Variants in SLC36A1 observed in about 807,000 individuals in gnomAD.
The protein encoded by SLC36A1 is solute carrier family 36 member 1.
A neutral mutation model predicts 47.5 loss-of-function variants in SLC36A1; 30 were observed. That is an observed-to-expected ratio of 0.63 (90% CI 0.47 to 0.86). The LOEUF (loss-of-function observed/expected upper bound fraction) is 0.86. Among genes scored for constraint, SLC36A1 ranks in the 40% least tolerant of loss-of-function variants. The probability of loss-of-function intolerance (pLI) is 0.00; values close to 1 mark genes in which losing one functional copy is unlikely to be tolerated. For synonymous variants in SLC36A1, 255 were observed against 249.7 expected, an observed-to-expected ratio of 1.02 and a Z score of -0.20; for missense variants, 517 against 606.0, an observed-to-expected ratio of 0.85 and a Z score of 1.54.
the SLC36A1 span, among the ~76,000 whole-genome samples, chr5:151,502,376 G>A: frequency 6.8e-6 from 1 of 148,084 alleles, no homozygotes. Context: ...GGCACAGACT[G>A]AGAAAATATT....
chr5:151,407,643 A>T, the SLC36A1 span, among the ~76,000 whole-genome samples: 1 of 152,198 alleles, frequency 6.6e-6, no homozygotes, highest in East Asian at 1.9e-4. Flanking sequence ...TTCACCTCTC[A>T]TTAGGGCCAC....
intron 5 of SLC36A1, among the ~76,000 whole-genome samples, chr5:151,466,844 G>A (rs936140311): frequency 9.2e-5 from 14 of 152,064 alleles, no homozygotes; most frequent in African/African-American, 2.9e-4. Context: ...AGGGGACGTC[G>A]GAAACCACAC....
chr5:151,349,668 C>T, the SLC36A1 span, among the ~76,000 whole-genome samples: 3 of 152,168 alleles, frequency 2.0e-5, no homozygotes, highest in African/African-American at 7.2e-5. Context: ...AGACAGCCTG[C>T]CCACTAGACA....
At chr5:151,404,688 T>G in the SLC36A1 span, among the ~76,000 whole-genome samples, 1 of 152,244 alleles carries the variant, frequency 6.6e-6, no homozygotes, top group African/African-American at 2.4e-5. Flanking sequence ...TGGTGGAATA[T>G]GAAATTCTTG....
chr5:151,486,514 C>G (rs1759570169), intron 10 of SLC36A1, among the ~76,000 whole-genome samples: 1 of 152,326 alleles, frequency 6.6e-6, no homozygotes, highest in East Asian at 1.9e-4. Context: ...AAAATCTGGT[C>G]TCTAAATGCA....
the SLC36A1 span, chr5:151,512,270 C>T: frequency 3.7e-6 from 6 of 1,614,236 alleles, no homozygotes; most frequent in Admixed American, 1.7e-5. This position sits in a 1 kb window ranked among gnomAD's most constrained non-coding sequence, Gnocchi z 4.1. Flanking sequence ...TCCAGCAAGC[C>T]TGCCACCGTC....
the SLC36A1 span, among the ~76,000 whole-genome samples, chr5:151,383,510 TC>T: frequency 1.5e-5 from 2 of 136,220 alleles, no homozygotes; most frequent in Non-Finnish European, 3.1e-5. Context: ...TGTTATCATG[TC>T]TTAAATTGCC....
chr5:151,385,685 T>A, the SLC36A1 span, among the ~76,000 whole-genome samples: 1 of 151,864 alleles, frequency 6.6e-6, no homozygotes, highest in Non-Finnish European at 1.5e-5. Context: ...AACTAGGGAA[T>A]CTTAGGGCAA....
At chr5:151,385,009 AGTGTGTGTGT>A in the SLC36A1 span, among the ~76,000 whole-genome samples, 2 of 128,466 alleles carry the variant, frequency 1.6e-5, no homozygotes, top group East Asian at 2.1e-4. Flanking sequence ...AGAGAGAGAG[AGTGTGTGTGT>A]GTGTGTGTGT....
intron 7 of SLC36A1, among the ~76,000 whole-genome samples, chr5:151,470,347 G>T (rs1412075703): frequency 6.6e-6 from 1 of 152,182 alleles, no homozygotes; most frequent in Non-Finnish European, 1.5e-5. Context: ...TGATCAGAGG[G>T]CTGGGATAAG....
At chr5:151,426,206 G>T in the SLC36A1 span, among the ~76,000 whole-genome samples, 1 of 152,214 alleles carries the variant, frequency 6.6e-6, no homozygotes, top group South Asian at 2.1e-4. Flanking sequence ...CAGGTGGGAC[G>T]AGAGACTGAG....
At chr5:151,361,660 AC>A in the SLC36A1 span, among the ~76,000 whole-genome samples, 1 of 152,182 alleles carries the variant, frequency 6.6e-6, no homozygotes, top group African/African-American at 2.4e-5. Context: ...CTGGGTACTT[AC>A]TTTTATCAGT....
the SLC36A1 span, among the ~76,000 whole-genome samples, chr5:151,424,601 C>A: frequency 6.6e-6 from 1 of 152,162 alleles, no homozygotes; most frequent in African/African-American, 2.4e-5. Flanking sequence ...ACTTTGCCTA[C>A]AATTTCATGA....
At chr5:151,461,682 C>A (rs73796588) in intron 2 of SLC36A1, among the ~76,000 whole-genome samples, 10 of 152,084 alleles carry the variant, frequency 6.6e-5, no homozygotes, top group African/African-American at 2.4e-4. Flanking sequence ...CACTGTAGAA[C>A]GAATCAAGGC....
the SLC36A1 span, chr5:151,545,481 G>A: frequency 1.5e-5 from 24 of 1,614,142 alleles, no homozygotes; most frequent in East Asian, 2.2e-5. Context: ...GGATAGGCCC[G>A]ACTATTGCTA....
chr5:151,461,983 A>G (rs1484169216), intron 2 of SLC36A1, among the ~76,000 whole-genome samples: 6 of 150,716 alleles, frequency 4.0e-5, no homozygotes, highest in African/African-American at 9.8e-5. Flanking sequence ...TCATAGAACT[A>G]GAAAGAACAA....
chr5:151,543,302 C>A, the SLC36A1 span: 4 of 1,614,078 alleles, frequency 2.5e-6, no homozygotes, highest in Non-Finnish European at 3.4e-6. Flanking sequence ...GCATCATAGG[C>A]CAACACCTGG....
the SLC36A1 span, chr5:151,505,290 G>T: frequency 7.9e-6 from 4 of 507,796 alleles, no homozygotes; most frequent in African/African-American, 2.0e-5. Context: ...CGCCCACCCC[G>T]GGAGTCAATT....
chr5:151,393,766 A>G, the SLC36A1 span, among the ~76,000 whole-genome samples: 1 of 152,138 alleles, frequency 6.6e-6, no homozygotes, highest in Admixed American at 6.6e-5. Flanking sequence ...TTCTGCCAAG[A>G]GATCAGCTGT....
Sources: gnomAD v4.1 joint callset for allele counts (sites outside exome capture counted in the v4.1 genomes callset) on GRCh38, gnomAD v4.1.1 for gene constraint, Gnocchi (gnomAD v3.1) non-coding constraint, MANE v1.5 for transcripts, NCBI Gene and HGNC (gene_info 2026-07-23, HGNC 2026-07-21) for gene names.